Variants in ARHGEF28 observed in about 807,000 individuals in gnomAD.
ARHGEF28 encodes the protein Rho guanine nucleotide exchange factor 28.
In ARHGEF28, 152 loss-of-function variants were observed where a neutral mutation model predicts 206.6. The observed-to-expected ratio is 0.74, with a 90% CI of 0.64 to 0.84. The LOEUF is 0.84. ARHGEF28 is among the 40% of genes least tolerant of loss of function. ARHGEF28 has a pLI of 0.00. For synonymous variants in ARHGEF28, 763 were observed against 776.4 expected (o/e 0.98, Z 0.29); for missense variants, 2,028 against 2,073.2 (o/e 0.98, Z 0.42).
At chr5:73,906,514 A>G (rs1022898727) in intron 33 of ARHGEF28, among the ~76,000 whole-genome samples, 1 of 152,188 alleles carries the variant, frequency 6.6e-6, no homozygotes. Context: ...GAGTCACTGC[A>G]CCCAGCCCCA....
intron 2 of ARHGEF28, among the ~76,000 whole-genome samples, chr5:73,718,701 A>G (rs529122151): frequency 1.3e-5 from 2 of 152,176 alleles, no homozygotes; most frequent in South Asian, 2.1e-4. Context: ...CACATTCTCC[A>G]TACAGCCCAT....
intron 22 of ARHGEF28, 39 bp from the exon 23 acceptor site, chr5:73,882,433 C>A (rs758714289): frequency 1.5e-6 from 2 of 1,326,066 alleles, no homozygotes; most frequent in Non-Finnish European, 2.0e-6. Context: ...TTAGAACTTA[C>A]TAAATTTACA....
chr5:73,668,766 A>ATCCTTCTATTGGAAG (rs1746128079), intron 1 of ARHGEF28, among the ~76,000 whole-genome samples: 1 of 151,538 alleles, frequency 6.6e-6, no homozygotes, highest in African/African-American at 2.4e-5. Flanking sequence ...TTACTTGGAA[A>ATCCTTCTATTGGAAG]CCCTTCTAAG....
chr5:73,627,952 G>A (rs116476036), intron 1 of ARHGEF28, among the ~76,000 whole-genome samples: 209 of 152,134 alleles, frequency 1.4e-3, no homozygotes, highest in African/African-American at 4.8e-3. Flanking sequence ...TATAGCAGGC[G>A]TGTCATTAGA....
chr5:73,933,495 G>C (rs1303192627), intron 35 of ARHGEF28, among the ~76,000 whole-genome samples: 3 of 152,174 alleles, frequency 2.0e-5, no homozygotes, highest in Non-Finnish European at 4.4e-5. Context: ...TCCAGAAGAG[G>C]CTTCTAATTT....
chr5:73,701,870 T>G (rs975913698), intron 2 of ARHGEF28, among the ~76,000 whole-genome samples: 3 of 152,360 alleles, frequency 2.0e-5, no homozygotes, highest in African/African-American at 7.2e-5. Flanking sequence ...TTTTCCAGTT[T>G]GTTTAACCAT....
chr5:73,735,813 G>A (rs775061592), intron 2 of ARHGEF28, among the ~76,000 whole-genome samples: 2 of 152,124 alleles, frequency 1.3e-5, no homozygotes, highest in Non-Finnish European at 2.9e-5. Context: ...TCACAGCCTG[G>A]CGATAATAAA....
At chr5:73,696,673 G>A (rs1274549029) in intron 2 of ARHGEF28, among the ~76,000 whole-genome samples, 5 of 152,084 alleles carry the variant, frequency 3.3e-5, no homozygotes, top group African/African-American at 1.2e-4. Context: ...TTTCTGAAAG[G>A]AAATCCTTCC....
chr5:73,915,727 T>C (rs1306406118), intron 35 of ARHGEF28, among the ~76,000 whole-genome samples: 1 of 152,220 alleles, frequency 6.6e-6, no homozygotes, highest in Non-Finnish European at 1.5e-5. Flanking sequence ...ATTGAATGCA[T>C]CTATATGTTA....
chr5:73,882,382 A>G (rs1346448765), intron 22 of ARHGEF28, 90 bp from the exon 23 acceptor site: 2 of 920,644 alleles, frequency 2.2e-6, no homozygotes, highest in Non-Finnish European at 1.5e-6. Context: ...ATTTGCAAAT[A>G]CTATTTTGAA....
At chr5:73,695,549 G>C (rs6898104) in intron 2 of ARHGEF28, among the ~76,000 whole-genome samples, 88,073 of 152,030 alleles carry the variant, frequency 0.58, 27,632 homozygotes, top group Admixed American at 0.73. Context: ...TTTTTTAAAA[G>C]TTTTCCAAGT....
At chr5:73,713,238 T>C (rs1398870996) in intron 2 of ARHGEF28, among the ~76,000 whole-genome samples, 1 of 152,254 alleles carries the variant, frequency 6.6e-6, no homozygotes, top group African/African-American at 2.4e-5. Flanking sequence ...TGAACTCCAA[T>C]GACATATATC....
intron 1 of ARHGEF28, among the ~76,000 whole-genome samples, chr5:73,645,643 GTTA>G (rs1390317876): frequency 1.3e-5 from 2 of 152,184 alleles, no homozygotes; most frequent in Admixed American, 6.5e-5. Flanking sequence ...GTTGGGATGT[GTTA>G]TTATTACTAA....
intron 4 of ARHGEF28, among the ~76,000 whole-genome samples, chr5:73,760,255 C>G (rs545917913): frequency 2.6e-5 from 4 of 151,902 alleles, no homozygotes; most frequent in Admixed American, 2.0e-4. Context: ...GGTAGGAAAC[C>G]CATAAAGGAC....
rs1157622387 is a variant in ARHGEF28, at chr5:73,878,970, C to T, written c.2815-3502C>T. Among the ~76,000 whole-genome samples the T allele has an allele frequency of 2.6e-5, 4 of 152,212 alleles. No homozygotes were observed. In the East Asian group the frequency reaches 7.7e-4, roughly 29 times the overall value. On this transcript the variant is annotated intron_variant, in intron 22 of 35. Transcript: ENST00000513042. The stretch of plus-strand genomic sequence containing the variant: ...GTATTTCCTGAATCTCAGTGTTGGC[C>T]TGCCTTGCTAGATTGGGGAAGTTCT...
At chr5:73,855,942 G>A (rs1027548158) in intron 14 of ARHGEF28, among the ~76,000 whole-genome samples, 6 of 151,980 alleles carry the variant, frequency 3.9e-5, no homozygotes, top group Non-Finnish European at 8.8e-5. Flanking sequence ...AAGTACAAAA[G>A]GGGCTTCTTG....
At chr5:73,815,933 G>A (rs1756178665) in intron 9 of ARHGEF28, among the ~76,000 whole-genome samples, 1 of 152,162 alleles carries the variant, frequency 6.6e-6, no homozygotes, top group Admixed American at 6.6e-5. Context: ...TCACACTTGC[G>A]TTCTTTATTA....
intron 9 of ARHGEF28, among the ~76,000 whole-genome samples, chr5:73,825,071 A>G (rs550759956): frequency 2.0e-5 from 3 of 152,266 alleles, no homozygotes; most frequent in South Asian, 2.1e-4. Flanking sequence ...GCCTGCCTGT[A>G]TGGTTCTAGG....
At chr5:73,917,446 T>A (rs1247425371) in intron 35 of ARHGEF28, among the ~76,000 whole-genome samples, 1 of 152,248 alleles carries the variant, frequency 6.6e-6, no homozygotes, top group Non-Finnish European at 1.5e-5. Flanking sequence ...CTTTTGCAGA[T>A]TTTATACAAG....
Sources: allele counts gnomAD v4.1 joint callset (sites outside exome capture counted in the v4.1 genomes callset), GRCh38; gene constraint gnomAD v4.1.1; transcripts MANE v1.5; gene names NCBI Gene and HGNC (gene_info 2026-07-23, HGNC 2026-07-21).